Variants in GPIHBP1 observed in about 807,000 individuals in gnomAD.
GPIHBP1 encodes glycosylphosphatidylinositol-anchored high density lipoprotein-binding protein 1.
Under a neutral mutation model 13.0 loss-of-function variants are expected in GPIHBP1, and 11 were observed. That is an observed-to-expected ratio of 0.84 (90% CI 0.53 to 1.40). GPIHBP1 has a LOEUF of 1.40. Ranked by LOEUF, GPIHBP1 falls within the 40% of genes most tolerant of loss-of-function variation. The pLI is 0.00. For missense variants in GPIHBP1, 231 were observed against 241.1 expected (o/e 0.96, Z 0.28); for synonymous variants, 106 against 102.2 (o/e 1.04, Z -0.22).
In GPIHBP1 at chr8:143,216,814, C is replaced by T. The variant is rs1389787862; in HGVS notation, c.*1296C>T. Reference sequence around the variant, plus strand: ...CCTAGATCCCCACCAGTTCAACACTCCATTAACTGGGAAGCCCAGAGTCCT... The same window carrying T: ...CCTAGATCCCCACCAGTTCAACACTTCATTAACTGGGAAGCCCAGAGTCCT... On this transcript the variant is annotated 3_prime_UTR_variant, in exon 4 of 4. Coordinates refer to ENST00000622500, the MANE Select transcript of GPIHBP1 (RefSeq NM_178172.6). 1 of 152,262 alleles carries T rather than the reference C, an allele frequency of 6.6e-6. No individual in the cohort carries two copies. The highest frequency in any genetic ancestry group is 1.5e-5 in the Non-Finnish European group (1 of 68,072). The allele number at this position is 152,262 out of a possible 1,614,324, so 9.4% of individuals were successfully genotyped here. A position where few individuals can be genotyped will look rare whatever the true frequency, so the allele number is the denominator to read the frequency against.
chr8:143,213,799 T>C (rs1320614687), intron 1 of GPIHBP1, 23 bp from the exon 2 acceptor site: 1 of 1,574,788 alleles, frequency 6.4e-7, no homozygotes, highest in Non-Finnish European at 8.6e-7. Flanking sequence ...AGCTGAGGCT[T>C]ACAAGCATCC....
rs1005322421 is a variant in GPIHBP1 at position 143,215,709 on chromosome 8, C to T, written c.*191C>T. On this transcript the variant is annotated 3_prime_UTR_variant, in exon 4 of 4. Transcript: ENST00000622500. Reference sequence around the variant, plus strand: ...GGCTGTGTCCTTGGTGTCCTTTCTCCACCACCTGTGAGCAGCAAGACTGCC... The same window carrying T: ...GGCTGTGTCCTTGGTGTCCTTTCTCTACCACCTGTGAGCAGCAAGACTGCC... 1 of 609,074 alleles carries T rather than the reference C, an allele frequency of 1.6e-6. No individual in the cohort carries two copies. Among genetic ancestry groups the T allele is most frequent in the Non-Finnish European group, 2.9e-6 (1 of 345,584 alleles). The allele number at this position is 609,074 out of a possible 1,614,324, so 37.7% of individuals were successfully genotyped here. A position where few individuals can be genotyped will look rare whatever the true frequency, so the allele number is the denominator to read the frequency against.
At position 143,213,310 on chromosome 8, in the gene GPIHBP1, G is replaced by A. The variant is rs539491995; in HGVS notation, c.43G>A (p.Gly15Arg). Reference protein sequence around the residue: ...GAVLLALLLFGRPGRGQTQQE... With the variant: ...GAVLLALLLFRRPGRGQTQQE... ...TGTCCTGCTTGCCCTCTTGCTGTTCGGGCGGCCAGGTGCGGGGCAAAGGGT... is the reference window on the plus strand; with the variant it reads ...TGTCCTGCTTGCCCTCTTGCTGTTCAGGCGGCCAGGTGCGGGGCAAAGGGT... The change falls in exon 1 of 4, where the codon GGG (glycine) becomes AGG (arginine). Residue 15 changes from glycine (G) to arginine (R), a missense_variant. By Grantham distance (125) the Gly-to-Arg change is moderately radical. Transcript: ENST00000622500. The A allele has an allele frequency of 4.2e-5, 67 of 1,594,578 alleles. No individual in the cohort carries two copies. The South Asian group carries it at 5.8e-4, about 14-fold the overall frequency.
In GPIHBP1 at chr8:143,217,149, A is replaced by C. The variant is rs1262151534; in HGVS notation, c.*1631A>C. The C allele has an allele frequency of 6.6e-6, 1 of 152,122 alleles. No individual in the cohort carries two copies. Among genetic ancestry groups the C allele is most frequent in the Non-Finnish European group, 1.5e-5 (1 of 68,028 alleles). The allele number at this position is 152,122 out of a possible 1,614,324, so 9.4% of individuals were successfully genotyped here. A position where few individuals can be genotyped will look rare whatever the true frequency, so the allele number is the denominator to read the frequency against. ...GGTCCCCTTACCTGGGTGGGAAATA[A>C]ATTTCTGCTGTGTTGAAGCTAGTTA... On this transcript the variant is annotated 3_prime_UTR_variant, in exon 4 of 4. Transcript: ENST00000622500.
At position 143,215,529 on chromosome 8, in the gene GPIHBP1, C is replaced by CCG; in HGVS notation, c.*11_*12insCG. On this transcript the variant is annotated 3_prime_UTR_variant, in exon 4 of 4. Coordinates refer to ENST00000622500, the MANE Select transcript of GPIHBP1 (RefSeq NM_178172.6). ...GCCAGGAGACCCTGACCCACGGCCC[C>CCG]TCCCCACCCCCACCCGGCTCACCCC... The CCG allele has an allele frequency of 2.6e-6, 4 of 1,557,644 alleles. No homozygotes were observed. The highest frequency in any genetic ancestry group is 3.5e-6 in the Non-Finnish European group (4 of 1,153,116).
rs376012361 is a variant in GPIHBP1, at chr8:143,214,569, A to G, written c.182-444A>G. ...CCCCTCCCTAGCCAGGGCCCCCAGCATGCCCCACCACACACAGCCCACCCC... is the reference window on the plus strand; with the variant it reads ...CCCCTCCCTAGCCAGGGCCCCCAGCGTGCCCCACCACACACAGCCCACCCC... On this transcript the variant is annotated intron_variant, in intron 2 of 3. Transcript: ENST00000622500. This position sits in a 1 kb window ranked among gnomAD's most constrained non-coding sequence, Gnocchi z 4.1. Among the ~76,000 whole-genome samples, 30 of 139,954 alleles carry G rather than the reference A, an allele frequency of 2.1e-4. No individual in the cohort carries two copies. The highest frequency in any genetic ancestry group is 9.4e-4 in the African/African-American group (29 of 30,792). 91.8% of individuals were successfully genotyped at this position (139,954 alleles called of 152,430 possible). A position where few individuals can be genotyped will look rare whatever the true frequency, so the allele number is the denominator to read the frequency against.
Position 143,214,063 on chromosome 8 carries a change from C to G in GPIHBP1, c.181+113C>G, listed in dbSNP as rs1474242869. 1 of 1,381,932 alleles carries G rather than the reference C, an allele frequency of 7.2e-7. No individual in the cohort carries two copies. Among genetic ancestry groups the G allele is most frequent in the Non-Finnish European group, 1.0e-6 (1 of 1,001,288 alleles). 85.6% of individuals were successfully genotyped at this position (1,381,932 alleles called of 1,614,324 possible). A position where few individuals can be genotyped will look rare whatever the true frequency, so the allele number is the denominator to read the frequency against. ...AGTCCTGCTGTGAGCTTGCCTCCAG[C>G]AGAGTGGGGGACACTCAGTACACCC... On this transcript the variant is annotated intron_variant, in intron 2 of 3. Coordinates refer to ENST00000622500, the MANE Select transcript of GPIHBP1 (RefSeq NM_178172.6). The surrounding 1 kb of genome is among the most constrained non-coding windows in gnomAD (Gnocchi z 4.1).
At position 143,215,850 on chromosome 8, in the gene GPIHBP1, G is replaced by A; in HGVS notation, c.*332G>A. The A allele has an allele frequency of 1.5e-5, 6 of 411,034 alleles. No homozygotes were observed. Among genetic ancestry groups the A allele is most frequent in the Non-Finnish European group, 2.7e-5 (6 of 226,414 alleles). 25.5% of individuals were successfully genotyped at this position (411,034 alleles called of 1,614,324 possible). A position where few individuals can be genotyped will look rare whatever the true frequency, so the allele number is the denominator to read the frequency against. On this transcript the variant is annotated 3_prime_UTR_variant, in exon 4 of 4. Transcript: ENST00000622500. ...CAGAGATGATACCCACCACACACCT[G>A]GGGGCCCCCACACCCAGTCCTCACC...
chr8:143,215,659 C>T lies in GPIHBP1; in HGVS notation c.*141C>T, dbSNP rs1040639363. The T allele has an allele frequency of 4.6e-5, 33 of 717,572 alleles. No individual in the cohort carries two copies. Among genetic ancestry groups the T allele is most frequent in the South Asian group, 9.4e-5 (5 of 53,290 alleles). 44.5% of individuals were successfully genotyped at this position (717,572 alleles called of 1,614,324 possible). ...GGCGATCCAGCCAGCGCAGGCCCCC[C>T]GGCCCGGTTGCTTCCTCAGTTCCCG... is the stretch of plus-strand genomic sequence containing the variant. On this transcript the variant is annotated 3_prime_UTR_variant, in exon 4 of 4. Coordinates refer to ENST00000622500, the MANE Select transcript of GPIHBP1 (RefSeq NM_178172.6).
Position 143,215,361 on chromosome 8 carries a change from C to T in GPIHBP1, c.398C>T (p.Ser133Phe). The T allele has an allele frequency of 6.2e-7, 1 of 1,612,924 alleles. No homozygotes were observed. Among genetic ancestry groups the T allele is most frequent in the Non-Finnish European group, 8.5e-7 (1 of 1,179,998 alleles). ...CAGGTGACCATGACCTGCTGCCAGTCCAGCCTGTGCAATGTCCCACCCTGG... is the reference window on the plus strand; with the variant it reads ...CAGGTGACCATGACCTGCTGCCAGTTCAGCCTGTGCAATGTCCCACCCTGG... ...GTQVTMTCCQ[S>F]SLCNVPPWQS... The change falls in exon 4 of 4, where the codon TCC (serine) becomes TTC (phenylalanine). Residue 133 changes from serine (S) to phenylalanine (F), a missense_variant. By Grantham distance (155) the Ser-to-Phe change is radical. Coordinates refer to ENST00000622500, the MANE Select transcript of GPIHBP1 (RefSeq NM_178172.6).
rs1816270183 is a variant in GPIHBP1, at chr8:143,214,512, C to T, written c.182-501C>T. On this transcript the variant is annotated intron_variant, in intron 2 of 3. Coordinates refer to ENST00000622500, the MANE Select transcript of GPIHBP1 (RefSeq NM_178172.6). This position sits in a 1 kb window ranked among gnomAD's most constrained non-coding sequence, Gnocchi z 4.1. ...AACCCGAGGGCCGGCCCCTCCCTAGCCAGGGACCACAGCGTGCCCCACCAC... is the reference window on the plus strand; with the variant it reads ...AACCCGAGGGCCGGCCCCTCCCTAGTCAGGGACCACAGCGTGCCCCACCAC... 6.7e-6 allele frequency among the ~76,000 whole-genome samples: 1 copy of T among 150,232 alleles called. No homozygotes were observed. The highest frequency in any genetic ancestry group is 2.5e-5 in the African/African-American group (1 of 40,306).
At chr8:143,213,687 A>T (rs566541576) in intron 1 of GPIHBP1, 135 bp from the exon 2 acceptor site, 14 of 1,090,720 alleles carry the variant, frequency 1.3e-5, no homozygotes, top group Non-Finnish European at 1.8e-5. Flanking sequence ...TGTTCAGGGT[A>T]GGGGCCCTCC....
In GPIHBP1 at chr8:143,217,015, G is replaced by C. The variant is rs539959401; in HGVS notation, c.*1497G>C. The stretch of plus-strand genomic sequence containing the variant: ...TCCTCCTTCTGCTGGCTGAAGTGAT[G>C]ACTGGAGCTCAGCAACCACTTTGCA... On this transcript the variant is annotated 3_prime_UTR_variant, in exon 4 of 4. Transcript: ENST00000622500. 6.6e-6 allele frequency: 1 copy of C among 152,388 alleles called. No homozygotes were observed. The highest frequency in any genetic ancestry group is 1.9e-4 in the East Asian group (1 of 5,188). 9.4% of individuals were successfully genotyped at this position (152,388 alleles called of 1,614,324 possible). A position where few individuals can be genotyped will look rare whatever the true frequency, so the allele number is the denominator to read the frequency against.
At position 143,213,261 on chromosome 8, in the gene GPIHBP1, C is replaced by T. The variant is rs774667841; in HGVS notation, c.-7C>T. On this transcript the variant is annotated 5_prime_UTR_variant, in exon 1 of 4. Coordinates refer to ENST00000622500, the MANE Select transcript of GPIHBP1 (RefSeq NM_178172.6). Reference sequence around the variant, plus strand: ...TCAGAGTCAGGGACACAGCAGCGTCCGGCGAGATGAAGGCGCTCGGGGCTG... The same window carrying T: ...TCAGAGTCAGGGACACAGCAGCGTCTGGCGAGATGAAGGCGCTCGGGGCTG... The T allele has an allele frequency of 2.6e-5, 42 of 1,592,522 alleles. 1 individual carries two copies. Among genetic ancestry groups the T allele is most frequent in the South Asian group, 1.1e-4 (10 of 87,640 alleles).
chr8:143,215,356 C>T lies in GPIHBP1; in HGVS notation c.393C>T (p.Cys131=), dbSNP rs777392774. 3 of 1,612,884 alleles carry T rather than the reference C, an allele frequency of 1.9e-6. No homozygotes were observed. Among genetic ancestry groups the T allele is most frequent in the Non-Finnish European group, 8.5e-7 (1 of 1,180,002 alleles). The part of the protein sequence containing the change: ...VEGTQVTMTC[C]QSSLCNVPPW... Reference sequence around the variant, plus strand: ...GGACCCAGGTGACCATGACCTGCTGCCAGTCCAGCCTGTGCAATGTCCCAC... The same window carrying T: ...GGACCCAGGTGACCATGACCTGCTGTCAGTCCAGCCTGTGCAATGTCCCAC... Residue 131 remains cysteine, a synonymous_variant, in exon 4 of 4, where the codon TGC becomes TGT. Coordinates refer to ENST00000622500, the MANE Select transcript of GPIHBP1 (RefSeq NM_178172.6).
chr8:143,213,222 C>T lies in GPIHBP1; in HGVS notation c.-46C>T. ...CATCCCACTTACCGCAGCTCCAGAGCCCTGCGGGAGGACTCAGAGTCAGGG... is the reference window on the plus strand; with the variant it reads ...CATCCCACTTACCGCAGCTCCAGAGTCCTGCGGGAGGACTCAGAGTCAGGG... On this transcript the variant is annotated 5_prime_UTR_variant, in exon 1 of 4. Transcript: ENST00000622500. 1 of 1,541,956 alleles carries T rather than the reference C, an allele frequency of 6.5e-7. No homozygotes were observed. The highest frequency in any genetic ancestry group is 1.2e-5 in the South Asian group (1 of 85,228).
Position 143,213,586 on chromosome 8 carries a change from C to T in GPIHBP1, c.53-236C>T, listed in dbSNP as rs540590499. On this transcript the variant is annotated intron_variant, in intron 1 of 3. Coordinates refer to ENST00000622500, the MANE Select transcript of GPIHBP1 (RefSeq NM_178172.6). Reference sequence around the variant, plus strand: ...GTTGTAACTACAATGCCAGGGCACACTCGGCTGCAGGACAGTGAGTAGGGT... The same window carrying T: ...GTTGTAACTACAATGCCAGGGCACATTCGGCTGCAGGACAGTGAGTAGGGT... Among the ~76,000 whole-genome samples the T allele has an allele frequency of 9.9e-5, 15 of 151,698 alleles. No individual in the cohort carries two copies. The East Asian group carries it at 2.6e-3, about 26-fold the overall frequency.
Position 143,215,007 on chromosome 8 carries a change from C to G in GPIHBP1, c.182-6C>G, listed in dbSNP as rs1469176632. 12 of 1,557,948 alleles carry G rather than the reference C, an allele frequency of 7.7e-6. No homozygotes were observed. Among genetic ancestry groups the G allele is most frequent in the Non-Finnish European group, 1.0e-5 (12 of 1,149,706 alleles). On this transcript the variant is annotated splice_polypyrimidine_tract_variant and splice_region_variant and intron_variant, in intron 2 of 3. Transcript: ENST00000622500. Reference sequence around the variant, plus strand: ...CGGCCTCGGCCTGAGCCCGCCTTGTCCCCAGTGCTGCTGCGGTGCTACACC... The same window carrying G: ...CGGCCTCGGCCTGAGCCCGCCTTGTGCCCAGTGCTGCTGCGGTGCTACACC...
At position 143,215,240 on chromosome 8, in the gene GPIHBP1, T is replaced by A. The variant is rs375588884; in HGVS notation, c.296-19T>A. ...GACCCCGCCCATCCTCAGCACTTGT[T>A]CCCCACTCCCCTTCCCAGAGTCAGG... On this transcript the variant is annotated intron_variant, in intron 3 of 3. Transcript: ENST00000622500. The A allele has an allele frequency of 2.5e-6, 4 of 1,612,826 alleles. No individual in the cohort carries two copies. Among genetic ancestry groups the A allele is most frequent in the Non-Finnish European group, 3.4e-6 (4 of 1,179,974 alleles).
Sources: gnomAD v4.1 joint callset for allele counts (sites outside exome capture counted in the v4.1 genomes callset) on GRCh38, gnomAD v4.1.1 for gene constraint, Gnocchi (gnomAD v3.1) non-coding constraint, MANE v1.5 for transcripts, NCBI Gene and HGNC (gene_info 2026-07-23, HGNC 2026-07-21) for gene names.